The following DNAH11 variants were observed in gnomAD, a reference collection of about 807,000 sequenced individuals.
The protein encoded by DNAH11 is dynein axonemal heavy chain 11, also known as axonemal beta dynein heavy chain 11.
A neutral mutation model predicts 526.0 loss-of-function variants in DNAH11; 442 were observed. That is an observed-to-expected ratio of 0.84 (90% CI 0.78 to 0.91). The LOEUF is 0.91. Ranked by LOEUF, DNAH11 falls within the 40% of genes least tolerant of loss-of-function variation. DNAH11 has a pLI of 0.00. For missense variants in DNAH11, 6,989 were observed against 5,448.7 expected, an observed-to-expected ratio of 1.28 and a Z score of -8.90; for synonymous variants, 2,461 against 1,935.9, an observed-to-expected ratio of 1.27 and a Z score of -7.12.
At chr7:21,837,969 A>T (rs754009646) in intron 65 of DNAH11, among the ~76,000 whole-genome samples, 30 of 152,204 alleles carry the variant, frequency 2.0e-4, no homozygotes, top group African/African-American at 7.0e-4. Flanking sequence ...TTATGTGTCA[A>T]TTAAAAACAG....
chr7:21,829,699 T>G lies in DNAH11; in HGVS notation c.10691+11360T>G, dbSNP rs555365661. Among the ~76,000 whole-genome samples, 75 of 152,354 alleles carry G rather than the reference T, an allele frequency of 4.9e-4. No homozygotes were observed. In the South Asian group the frequency reaches 0.015, roughly 30 times the overall value. On this transcript the variant is annotated intron_variant, in intron 65 of 81. Transcript: ENST00000409508. ...TTCCAACAGTAACTATACTAAATCT[T>G]GAGAACGTTTCCAATAAAAGTAAAA...
intron 66 of DNAH11, among the ~76,000 whole-genome samples, chr7:21,843,055 A>G (rs1055181322): frequency 2.0e-4 from 31 of 152,338 alleles, no homozygotes; most frequent in African/African-American, 7.5e-4. Context: ...TAATCGACTA[A>G]TTTAGCCTGG....
chr7:21,562,721 C>T (rs1028425112), intron 5 of DNAH11, among the ~76,000 whole-genome samples: 7 of 150,358 alleles, frequency 4.7e-5, no homozygotes, highest in Admixed American at 1.3e-4. Flanking sequence ...CTACTAGATA[C>T]GATTATATAA....
At chr7:21,739,096 AT>A (rs1213771687) in intron 47 of DNAH11, among the ~76,000 whole-genome samples, 1 of 152,134 alleles carries the variant, frequency 6.6e-6, no homozygotes, top group Non-Finnish European at 1.5e-5. Context: ...GGAAGATTGG[AT>A]TGAAAAGTGT....
chr7:21,579,452 G>C (rs1214597853), intron 8 of DNAH11, among the ~76,000 whole-genome samples: 1 of 152,192 alleles, frequency 6.6e-6, no homozygotes, highest in African/African-American at 2.4e-5. Context: ...GAAGAGTACA[G>C]AGTGCTCTGA....
intron 8 of DNAH11, among the ~76,000 whole-genome samples, chr7:21,577,154 C>A (rs1784126944): frequency 6.6e-6 from 1 of 152,134 alleles, no homozygotes. Flanking sequence ...TGGGCACAGA[C>A]CAGAAAGAAG....
At chr7:21,683,634 T>G in intron 31 of DNAH11, 150 bp from the exon 32 acceptor site, 1 of 729,918 alleles carries the variant, frequency 1.4e-6, no homozygotes, top group South Asian at 3.5e-5. Context: ...TATTTAACCA[T>G]GTATATGCTA....
At chr7:21,752,679 A>T (rs2128493709) in intron 54 of DNAH11, among the ~76,000 whole-genome samples, 1 of 152,168 alleles carries the variant, frequency 6.6e-6, no homozygotes, top group South Asian at 2.1e-4. Context: ...TTTACTCTTC[A>T]AGATAATCTT....
chr7:21,855,985 G>A (rs1380820998), intron 68 of DNAH11, among the ~76,000 whole-genome samples: 1 of 152,146 alleles, frequency 6.6e-6, no homozygotes, highest in Non-Finnish European at 1.5e-5. Context: ...ATTTCTGAAG[G>A]ATAAGTAGGA....
At chr7:21,621,955 G>C (rs1786083194) in intron 25 of DNAH11, among the ~76,000 whole-genome samples, 1 of 152,266 alleles carries the variant, frequency 6.6e-6, no homozygotes, top group South Asian at 2.1e-4. Context: ...CATAGTGTTG[G>C]AAGTTCTGAC....
intron 61 of DNAH11, among the ~76,000 whole-genome samples, chr7:21,789,815 T>TTTTCTTG (rs1788378452): frequency 1.3e-5 from 1 of 78,520 alleles, no homozygotes; most frequent in Non-Finnish European, 3.0e-5. Flanking sequence ...CTTTTTTCTT[T>TTTTCTTG]CTTTCTTTCT....
At chr7:21,825,422 C>A (rs1353791049) in intron 65 of DNAH11, among the ~76,000 whole-genome samples, 1 of 152,146 alleles carries the variant, frequency 6.6e-6, no homozygotes, top group Non-Finnish European at 1.5e-5. Context: ...GCACAATCAA[C>A]TTTAAAAGAT....
intron 74 of DNAH11, among the ~76,000 whole-genome samples, chr7:21,877,614 G>A (rs556766045): frequency 1.3e-5 from 2 of 151,830 alleles, no homozygotes; most frequent in South Asian, 2.1e-4. Flanking sequence ...GGTGGCTCAC[G>A]CCTGTAATCC....
At chr7:21,632,239 C>T (rs1170431134) in intron 25 of DNAH11, among the ~76,000 whole-genome samples, 1 of 152,164 alleles carries the variant, frequency 6.6e-6, no homozygotes, top group African/African-American at 2.4e-5. Flanking sequence ...CCCCTTTTTC[C>T]TCTGAGGCCT....
intron 28 of DNAH11, 39 bp from the exon 29 acceptor site, chr7:21,655,793 T>C (rs1443741774): frequency 6.3e-7 from 1 of 1,576,728 alleles, no homozygotes; most frequent in Admixed American, 1.8e-5. Flanking sequence ...ATACCTACAG[T>C]AAGAAATGTT....
chr7:21,758,961 G>A (rs1451439404), intron 54 of DNAH11, among the ~76,000 whole-genome samples: 2 of 152,154 alleles, frequency 1.3e-5, no homozygotes, highest in East Asian at 1.9e-4. Flanking sequence ...CCAGAAACTT[G>A]GCATGACACA....
At chr7:21,573,159 C>A (rs1262656601) in intron 8 of DNAH11, among the ~76,000 whole-genome samples, 4 of 152,216 alleles carry the variant, frequency 2.6e-5, no homozygotes, top group Non-Finnish European at 5.9e-5. Flanking sequence ...GACGTCACTA[C>A]CTTGGCCATG....
chr7:21,559,114 A>G (rs1240866716), intron 3 of DNAH11, 116 bp downstream of exon 3: 1 of 806,374 alleles, frequency 1.2e-6, no homozygotes, highest in Non-Finnish European at 1.9e-6. Flanking sequence ...GCTTGATCCC[A>G]GGAGTTCAAG....
At chr7:21,553,198 C>G (rs1400625829) in intron 2 of DNAH11, among the ~76,000 whole-genome samples, 1 of 141,808 alleles carries the variant, frequency 7.1e-6, no homozygotes, top group Non-Finnish European at 1.5e-5. Context: ...AATTTTCTTT[C>G]CTCCTCCTCT....
Sources: allele counts gnomAD v4.1 joint callset (sites outside exome capture counted in the v4.1 genomes callset), GRCh38; gene constraint gnomAD v4.1.1; transcripts MANE v1.5; gene names NCBI Gene and HGNC (gene_info 2026-07-23, HGNC 2026-07-21).